The following DLGAP1 variants were observed in gnomAD, a reference collection of about 807,000 sequenced individuals.
The protein encoded by DLGAP1 is disks large-associated protein 1.
DLGAP1 carries 11 observed loss-of-function variants against 90.8 expected under a neutral mutation model. The ratio of observed to expected loss-of-function variants is 0.12; its 90% confidence interval spans 0.08 to 0.20. The LOEUF (loss-of-function observed/expected upper bound fraction) is 0.20, where lower values mean the gene tolerates loss of function less well. Among genes scored for constraint, DLGAP1 ranks in the 10% least tolerant of loss-of-function variants. The probability of loss-of-function intolerance (pLI) is 1.00; values close to 1 mark genes in which losing one functional copy is unlikely to be tolerated. For synonymous variants in DLGAP1, 558 were observed against 540.7 expected (o/e 1.03, Z -0.44); for missense variants, 1,050 against 1,333.8 (o/e 0.79, Z 3.31).
At chr18:3,752,628 C>T (rs1370080755) in intron 5 of DLGAP1, among the ~76,000 whole-genome samples, 1 of 143,856 alleles carries the variant, frequency 7.0e-6, no homozygotes, top group Non-Finnish European at 1.5e-5. Context: ...CTCTCCCCCT[C>T]CCCACCCCCC....
intron 2 of DLGAP1, among the ~76,000 whole-genome samples, chr18:4,053,161 C>G (rs1156583900): frequency 6.6e-6 from 1 of 152,194 alleles, no homozygotes; most frequent in African/African-American, 2.4e-5. Flanking sequence ...AATCTGTTCT[C>G]ACACTGCTAA....
chr18:3,956,498 G>A (rs542623522), intron 3 of DLGAP1, among the ~76,000 whole-genome samples: 138 of 151,956 alleles, frequency 9.1e-4, no homozygotes, highest in African/African-American at 3.2e-3. Flanking sequence ...ACAGTCACCC[G>A]CCACCATGCC....
At chr18:4,407,724 C>CA (rs747910711) in intron 1 of DLGAP1, among the ~76,000 whole-genome samples, 15 of 151,950 alleles carry the variant, frequency 9.9e-5, no homozygotes, top group African/African-American at 3.6e-4. Flanking sequence ...ACTAAAAACA[C>CA]ACAAAAAAAT....
In DLGAP1 at chr18:3,499,042, G is replaced by A. The variant is rs2049790599; in HGVS notation, c.*143C>T. The A allele has an allele frequency of 1.4e-6, 1 of 722,596 alleles. No homozygotes were observed. The highest frequency in any genetic ancestry group is 1.9e-5 in the African/African-American group (1 of 52,596). The allele number at this position is 722,596 out of a possible 1,614,324, so 44.8% of individuals were successfully genotyped here. ...GAGGGGGGCCCGGGGGGCGGCTCCT[G>A]CGAGGTGGACAACTACACCGCGACA... On this transcript the variant is annotated 3_prime_UTR_variant, in exon 13 of 13. Transcript: ENST00000315677. This position sits in a 1 kb window ranked among gnomAD's most constrained non-coding sequence, Gnocchi z 6.4.
chr18:3,817,127 T>C (rs2067145113), intron 4 of DLGAP1, among the ~76,000 whole-genome samples: 2 of 152,186 alleles, frequency 1.3e-5, no homozygotes, highest in Non-Finnish European at 2.9e-5. Flanking sequence ...CTGAGGGTCA[T>C]AGATGACGCA....
chr18:3,918,285 A>G (rs928175533), intron 3 of DLGAP1, among the ~76,000 whole-genome samples: 3 of 152,216 alleles, frequency 2.0e-5, no homozygotes, highest in Admixed American at 6.5e-5. Flanking sequence ...GAAGCCATCC[A>G]GACTAAGATT....
chr18:3,534,553 T>C lies in DLGAP1; in HGVS notation c.2120A>G (p.His707Arg). Residue 707 changes from histidine to arginine, a missense_variant, in exon 10 of 13, where the codon CAT becomes CGT. Coordinates refer to ENST00000315677, the MANE Select transcript of DLGAP1 (RefSeq NM_004746.4). ...TTAVQADLDF[H>R]DNLENSLESI... ...TTCCAGAGAATTTTCCAGATTATCA[T>C]GGAAGTCCAGGTCGGCCTGTACTGC... The C allele has an allele frequency of 6.2e-7, 1 of 1,613,684 alleles. No individual in the cohort carries two copies. Among genetic ancestry groups the C allele is most frequent in the Admixed American group, 1.7e-5 (1 of 60,000 alleles).
At chr18:3,611,811 G>A (rs919763922) in intron 7 of DLGAP1, among the ~76,000 whole-genome samples, 4 of 152,206 alleles carry the variant, frequency 2.6e-5, no homozygotes, top group Non-Finnish European at 4.4e-5. Context: ...TGCCTCCATA[G>A]TCAGCACTAA....
rs571256360 is a variant in DLGAP1, at chr18:4,018,549, G to A, written c.-158-13348C>T. Reference sequence around the variant, plus strand: ...CTACAGCATCCGCTAAAACCGGCAAGTTTAAATAACAAAATATTTAGGAAT... The same window carrying A: ...CTACAGCATCCGCTAAAACCGGCAAATTTAAATAACAAAATATTTAGGAAT... On this transcript the variant is annotated intron_variant, in intron 2 of 12. Transcript: ENST00000315677. Among the ~76,000 whole-genome samples the A allele has an allele frequency of 3.3e-5, 5 of 152,364 alleles. No homozygotes were observed. The South Asian group carries it at 8.3e-4, about 25-fold the overall frequency.
intron 1 of DLGAP1, among the ~76,000 whole-genome samples, chr18:4,441,657 A>G (rs921176222): frequency 1.3e-5 from 2 of 152,236 alleles, no homozygotes; most frequent in African/African-American, 4.8e-5. Flanking sequence ...AGTAGGAAAG[A>G]ATTACGGAAA....
At chr18:3,808,079 G>C (rs2066651481) in intron 5 of DLGAP1, among the ~76,000 whole-genome samples, 1 of 152,124 alleles carries the variant, frequency 6.6e-6, no homozygotes, top group Admixed American at 6.6e-5. Flanking sequence ...GTGGTGATCT[G>C]GGACTCAATG....
At chr18:3,907,632 T>C (rs147933163) in intron 3 of DLGAP1, among the ~76,000 whole-genome samples, 1,913 of 152,192 alleles carry the variant, frequency 0.013, 22 homozygotes, top group Non-Finnish European at 0.019. Context: ...TCCCCAGCAG[T>C]TGTAAACATG....
At chr18:4,190,831 G>GT (rs139200715) in intron 1 of DLGAP1, among the ~76,000 whole-genome samples, 1 of 151,916 alleles carries the variant, frequency 6.6e-6, no homozygotes, top group Non-Finnish European at 1.5e-5. Context: ...CTATAATATA[G>GT]TTTTTTTCTC....
At position 4,195,514 on chromosome 18, in the gene DLGAP1, T is replaced by C. The variant is rs141276154; in HGVS notation, c.-266-44227A>G. Among the ~76,000 whole-genome samples, 729 of 152,284 alleles carry C rather than the reference T, an allele frequency of 4.8e-3. 6 individuals are homozygous for C. Among genetic ancestry groups the C allele is most frequent in the Non-Finnish European group, 7.8e-3 (533 of 68,026 alleles). ...TGGTTTTAAAATTGCCATTCAACTATCGGGTGTTATTGTTTTTCACAGATG... is the reference window on the plus strand; with the variant it reads ...TGGTTTTAAAATTGCCATTCAACTACCGGGTGTTATTGTTTTTCACAGATG... On this transcript the variant is annotated intron_variant, in intron 1 of 12. Coordinates refer to ENST00000315677, the MANE Select transcript of DLGAP1 (RefSeq NM_004746.4).
In DLGAP1 at chr18:3,741,889, C is replaced by T. The variant is rs182237379; in HGVS notation, c.1350+446G>A. On this transcript the variant is annotated intron_variant, in intron 6 of 12. Transcript: ENST00000315677. ...AAAGAGTCTTGCTATGTCGCCCAGGCTGGAGTGCAGTGACGTGATCTCGGT... is the reference window on the plus strand; with the variant it reads ...AAAGAGTCTTGCTATGTCGCCCAGGTTGGAGTGCAGTGACGTGATCTCGGT... Among the ~76,000 whole-genome samples, 423 of 151,220 alleles carry T rather than the reference C, an allele frequency of 2.8e-3. 3 individuals are homozygous for T. Among genetic ancestry groups the T allele is most frequent in the Middle Eastern group, 0.01 (3 of 288 alleles).
chr18:3,819,225 G>A (rs377377927), intron 4 of DLGAP1, among the ~76,000 whole-genome samples: 3 of 151,984 alleles, frequency 2.0e-5, no homozygotes, highest in African/African-American at 7.2e-5. Context: ...CAGGAGAATC[G>A]CTTGAACCTG....
At chr18:3,956,443 GGTTCAC>G (rs1385770028) in intron 3 of DLGAP1, among the ~76,000 whole-genome samples, 2 of 151,748 alleles carry the variant, frequency 1.3e-5, no homozygotes, top group Non-Finnish European at 2.9e-5. Flanking sequence ...CCGCCTCCCG[GGTTCAC>G]GCCATTCTCC....
Position 4,266,815 on chromosome 18 carries a change from A to T in DLGAP1, c.-266-115528T>A, listed in dbSNP as rs549452408. Reference sequence around the variant, plus strand: ...CAAACAAGCTGTCTGTGATTTTTTTAAAATGATTTTTGAAATCAGCATATG... The same window carrying T: ...CAAACAAGCTGTCTGTGATTTTTTTTAAATGATTTTTGAAATCAGCATATG... On this transcript the variant is annotated intron_variant, in intron 1 of 12. Coordinates refer to ENST00000315677, the MANE Select transcript of DLGAP1 (RefSeq NM_004746.4). Among the ~76,000 whole-genome samples, 11 of 152,360 alleles carry T rather than the reference A, an allele frequency of 7.2e-5. No homozygotes were observed. The East Asian group carries it at 1.7e-3, about 24-fold the overall frequency.
chr18:3,808,446 T>G (rs1022322778), intron 5 of DLGAP1, among the ~76,000 whole-genome samples: 3 of 152,222 alleles, frequency 2.0e-5, no homozygotes, highest in African/African-American at 7.2e-5. Flanking sequence ...ACTGAGGACG[T>G]AAATTCACAA....
Sources: allele counts gnomAD v4.1 joint callset (sites outside exome capture counted in the v4.1 genomes callset), GRCh38; gene constraint gnomAD v4.1.1; non-coding constraint Gnocchi (gnomAD v3.1); transcripts MANE v1.5; gene names NCBI Gene and HGNC (gene_info 2026-07-23, HGNC 2026-07-21).